The following ZHX2 variants were observed in gnomAD, a reference collection of about 807,000 sequenced individuals.
The protein encoded by ZHX2 is zinc fingers and homeoboxes 2, also known as zinc fingers and homeoboxes protein 2.
In ZHX2, 6 loss-of-function variants were observed where a neutral mutation model predicts 21.9. The ratio of observed to expected loss-of-function variants is 0.27; its 90% confidence interval spans 0.15 to 0.54. The LOEUF (loss-of-function observed/expected upper bound fraction) is 0.54. Ranked by LOEUF, ZHX2 falls within the 20% of genes least tolerant of loss-of-function variation. The pLI is 0.95. For synonymous variants in ZHX2, 434 were observed against 437.1 expected (o/e 0.99, Z 0.09); for missense variants, 908 against 1,090.7 (o/e 0.83, Z 2.36).
At chr8:122,800,927 AAC>A (rs1229405091) in intron 1 of ZHX2, among the ~76,000 whole-genome samples, 2 of 152,254 alleles carry the variant, frequency 1.3e-5, no homozygotes, top group African/African-American at 2.4e-5. Context: ...AAAACATACA[AAC>A]ACACAGAGCC....
chr8:122,818,405 T>A (rs1205248527), intron 1 of ZHX2, among the ~76,000 whole-genome samples: 1 of 152,168 alleles, frequency 6.6e-6, no homozygotes, highest in Non-Finnish European at 1.5e-5. Context: ...CATGTCTGTG[T>A]TGGACACAGC....
intron 2 of ZHX2, among the ~76,000 whole-genome samples, chr8:122,950,791 G>GA (rs1813091056): frequency 6.6e-6 from 1 of 151,904 alleles, no homozygotes; most frequent in African/African-American, 2.4e-5. Context: ...TATTGGGGGG[G>GA]TGATTGCTTT....
At chr8:122,847,556 GGCCCAGTGCCAA>G (rs1214749800) in intron 1 of ZHX2, among the ~76,000 whole-genome samples, 2 of 152,190 alleles carry the variant, frequency 1.3e-5, no homozygotes, top group Non-Finnish European at 1.5e-5. Flanking sequence ...CTATGTGCCA[GGCCCAGTGCCAA>G]GCCCAGAGCA....
intron 2 of ZHX2, among the ~76,000 whole-genome samples, chr8:122,910,187 A>G (rs901635348): frequency 6.6e-6 from 1 of 151,826 alleles, no homozygotes; most frequent in Non-Finnish European, 1.5e-5. Context: ...AGTAATAATC[A>G]TAATGACTTT....
At chr8:122,812,789 G>A (rs911066935) in intron 1 of ZHX2, among the ~76,000 whole-genome samples, 19 of 152,304 alleles carry the variant, frequency 1.2e-4, no homozygotes, top group Admixed American at 1.0e-3. Flanking sequence ...GTGACATGGC[G>A]GTGGCATCAG....
intron 1 of ZHX2, among the ~76,000 whole-genome samples, chr8:122,786,705 C>T (rs1817402770): frequency 6.6e-6 from 1 of 152,058 alleles, no homozygotes; most frequent in Non-Finnish European, 1.5e-5. Flanking sequence ...CATTGCCATT[C>T]CCCTTCTGCC....
At chr8:122,929,281 C>G (rs2130130367) in intron 2 of ZHX2, among the ~76,000 whole-genome samples, 1 of 152,266 alleles carries the variant, frequency 6.6e-6, no homozygotes, top group Middle Eastern at 3.4e-3. Flanking sequence ...AGAAGTAACC[C>G]CACTTCTCAT....
rs117097109 is a variant in ZHX2, at chr8:122,827,910, C to T, written c.-282-35567C>T. Among the ~76,000 whole-genome samples, 354 of 152,264 alleles carry T rather than the reference C, an allele frequency of 2.3e-3. 3 individuals are homozygous for T. Among genetic ancestry groups the T allele is most frequent in the Non-Finnish European group, 2.5e-3 (170 of 68,012 alleles). Reference sequence around the variant, plus strand: ...GAGGATCCCTTTGAGCCCAGGAGTTCAAGACCAGCATGGGCAACATGGCGA... The same window carrying T: ...GAGGATCCCTTTGAGCCCAGGAGTTTAAGACCAGCATGGGCAACATGGCGA... On this transcript the variant is annotated intron_variant, in intron 1 of 3. Coordinates refer to ENST00000314393, the MANE Select transcript of ZHX2 (RefSeq NM_014943.5).
chr8:122,967,548 G>A (rs1563611231), intron 3 of ZHX2, among the ~76,000 whole-genome samples: 1 of 152,236 alleles, frequency 6.6e-6, no homozygotes. Context: ...CTCCAGTGGA[G>A]GTGGCATGGG....
At position 122,844,370 on chromosome 8, in the gene ZHX2, A is replaced by G. The variant is rs183786043; in HGVS notation, c.-282-19107A>G. On this transcript the variant is annotated intron_variant, in intron 1 of 3. Transcript: ENST00000314393. ...ACTTGACGACGCTAGTCCAGGGTCC[A>G]CTTATTAACCATGCCACCTTCTCTG... is the stretch of plus-strand genomic sequence containing the variant. 5.3e-5 allele frequency among the ~76,000 whole-genome samples: 8 copies of G among 152,376 alleles called. No homozygotes were observed. In the East Asian group the frequency reaches 1.5e-3, roughly 29 times the overall value.
chr8:122,942,085 G>A (rs1812860390), intron 2 of ZHX2, among the ~76,000 whole-genome samples: 1 of 152,234 alleles, frequency 6.6e-6, no homozygotes, highest in African/African-American at 2.4e-5. Flanking sequence ...GATGGAAACA[G>A]ATGAGAAGAG....
rs1448516565 is a variant in ZHX2 at position 122,828,772 on chromosome 8, A to C, written c.-282-34705A>C. ...CTGCAAAGGGGTTCTTGGAAGGCTC[A>C]TTCTAGGTTGTTCTCATTGGGAATA... On this transcript the variant is annotated intron_variant, in intron 1 of 3. Coordinates refer to ENST00000314393, the MANE Select transcript of ZHX2 (RefSeq NM_014943.5). This position sits in a 1 kb window ranked among gnomAD's most constrained non-coding sequence, Gnocchi z 5.2. Among the ~76,000 whole-genome samples, 3 of 152,218 alleles carry C rather than the reference A, an allele frequency of 2.0e-5. No homozygotes were observed.
At chr8:122,881,393 T>G (rs997470984) in intron 2 of ZHX2, among the ~76,000 whole-genome samples, 1 of 152,212 alleles carries the variant, frequency 6.6e-6, no homozygotes, top group African/African-American at 2.4e-5. Flanking sequence ...CTGTGAGACT[T>G]TGGGCCAAGT....
At chr8:122,915,085 T>A (rs954743075) in intron 2 of ZHX2, among the ~76,000 whole-genome samples, 1 of 152,110 alleles carries the variant, frequency 6.6e-6, no homozygotes, top group Non-Finnish European at 1.5e-5. Flanking sequence ...ATCTTGGAGT[T>A]CTAGGGGGCT....
intron 3 of ZHX2, among the ~76,000 whole-genome samples, chr8:122,967,114 A>G (rs1375903806): frequency 6.6e-6 from 1 of 152,170 alleles, no homozygotes. Context: ...CTCCTTGAGT[A>G]GCTGAATAAT....
intron 2 of ZHX2, among the ~76,000 whole-genome samples, chr8:122,937,761 TAG>T (rs1255442831): frequency 6.6e-6 from 1 of 151,656 alleles, no homozygotes; most frequent in African/African-American, 2.4e-5. Context: ...GTAATTTTAG[TAG>T]AGACAGCGTT....
At chr8:122,906,640 T>C (rs967697465) in intron 2 of ZHX2, among the ~76,000 whole-genome samples, 3 of 151,590 alleles carry the variant, frequency 2.0e-5, no homozygotes, top group African/African-American at 7.3e-5. Flanking sequence ...ACTTTTACTT[T>C]AAACACTTCT....
intron 1 of ZHX2, among the ~76,000 whole-genome samples, chr8:122,856,887 G>T (rs554890458): frequency 6.6e-6 from 1 of 152,242 alleles, no homozygotes; most frequent in Admixed American, 6.5e-5. Context: ...CAACTCTTCA[G>T]TGGCTTCCCA....
At chr8:122,900,468 C>T (rs754593555) in intron 2 of ZHX2, among the ~76,000 whole-genome samples, 4 of 152,154 alleles carry the variant, frequency 2.6e-5, no homozygotes, top group Non-Finnish European at 4.4e-5. Context: ...ACCCAAACAC[C>T]TCCCCCTAGG....
Sources: allele counts gnomAD v4.1 joint callset (sites outside exome capture counted in the v4.1 genomes callset), GRCh38; gene constraint gnomAD v4.1.1; non-coding constraint Gnocchi (gnomAD v3.1); transcripts MANE v1.5; gene names NCBI Gene and HGNC (gene_info 2026-07-23, HGNC 2026-07-21).